The following KCNAB1 variants were observed in gnomAD, a reference collection of about 807,000 sequenced individuals.
KCNAB1 encodes the protein potassium voltage-gated channel subfamily A regulatory beta subunit 1.
KCNAB1 carries 35 observed loss-of-function variants against 64.6 expected under a neutral mutation model. That is an observed-to-expected ratio of 0.54 (90% CI 0.41 to 0.72). The LOEUF is 0.72. Among genes scored for constraint, KCNAB1 ranks in the 30% least tolerant of loss-of-function variants. The pLI, the probability that KCNAB1 is intolerant of heterozygous loss-of-function variation, is 0.00. For synonymous variants in KCNAB1, 177 were observed against 183.8 expected (o/e 0.96, Z 0.30); for missense variants, 401 against 512.9 (o/e 0.78, Z 2.11).
At chr3:156,465,557 G>A in intron 6 of KCNAB1, 86 bp from the exon 7 acceptor site, 2 of 1,204,314 alleles carry the variant, frequency 1.7e-6, no homozygotes, top group Non-Finnish European at 2.5e-6. Context: ...AGAACAGGGT[G>A]CAAAATTAGC....
At chr3:156,265,730 C>A (rs1403693370) in intron 1 of KCNAB1, among the ~76,000 whole-genome samples, 1 of 152,190 alleles carries the variant, frequency 6.6e-6, no homozygotes, top group African/African-American at 2.4e-5. Flanking sequence ...TGCAGTGGCT[C>A]ATGCCTGTAA....
chr3:156,535,378 C>T (rs1718983782), intron 13 of KCNAB1, among the ~76,000 whole-genome samples: 1 of 152,252 alleles, frequency 6.6e-6, no homozygotes, highest in East Asian at 1.9e-4. Flanking sequence ...CTGCCTTTGT[C>T]CCTTGTCTTA....
intron 8 of KCNAB1, among the ~76,000 whole-genome samples, chr3:156,488,556 C>T (rs543622959): frequency 6.6e-5 from 10 of 152,114 alleles, no homozygotes; most frequent in Non-Finnish European, 1.3e-4. Context: ...TAGAAGGAGA[C>T]GAGTTTAGAG....
rs115986612 is a variant in KCNAB1, at chr3:156,412,520, G to C, written c.276-9096G>C. Among the ~76,000 whole-genome samples the C allele has an allele frequency of 4.7e-3, 721 of 152,330 alleles. 2 individuals are homozygous for C. The highest frequency in any genetic ancestry group is 7.0e-3 in the Non-Finnish European group (474 of 68,024). The stretch of plus-strand genomic sequence containing the variant: ...AAACTTTTATTGGATTGTTCATTTA[G>C]TCACTGAAGTATTGAGTCGCACTTC... On this transcript the variant is annotated intron_variant, in intron 1 of 13. Coordinates refer to ENST00000490337, the MANE Select transcript of KCNAB1 (RefSeq NM_172160.3).
chr3:156,523,768 ATTCT>A (rs1718109395), intron 11 of KCNAB1, 55 bp from the exon 12 acceptor site: 2 of 1,505,322 alleles, frequency 1.3e-6, no homozygotes, highest in Non-Finnish European at 1.8e-6. Flanking sequence ...TTGAATTACC[ATTCT>A]TTGACATCAG....
At chr3:156,497,785 A>G (rs964656108) in intron 8 of KCNAB1, among the ~76,000 whole-genome samples, 19 of 152,222 alleles carry the variant, frequency 1.2e-4, no homozygotes, top group Admixed American at 1.2e-3. Context: ...AACATTAGGA[A>G]AACTATTCTT....
intron 1 of KCNAB1, among the ~76,000 whole-genome samples, chr3:156,331,346 G>C (rs1291941991): frequency 6.6e-6 from 1 of 152,120 alleles, no homozygotes; most frequent in East Asian, 1.9e-4. Context: ...GGTGGTGGGG[G>C]TGGTTATTGT....
chr3:156,322,670 G>A (rs1722740452), intron 1 of KCNAB1, among the ~76,000 whole-genome samples: 2 of 151,962 alleles, frequency 1.3e-5, no homozygotes, highest in Non-Finnish European at 2.9e-5. Flanking sequence ...GGAAACTTAG[G>A]GTCTGAGAAT....
Position 156,298,338 on chromosome 3 carries a change from C to T in KCNAB1, c.276-123278C>T, listed in dbSNP as rs79379564. Reference sequence around the variant, plus strand: ...GACGTGAAGGAGTCTGAAGAGTTTCCGGAAACGGCTAGTTTTCTAGCTGCA... The same window carrying T: ...GACGTGAAGGAGTCTGAAGAGTTTCTGGAAACGGCTAGTTTTCTAGCTGCA... On this transcript the variant is annotated intron_variant, in intron 1 of 13. Transcript: ENST00000490337. Among the ~76,000 whole-genome samples, 397 of 152,296 alleles carry T rather than the reference C, an allele frequency of 2.6e-3. 2 individuals are homozygous for T. Among genetic ancestry groups the T allele is most frequent in the Middle Eastern group, 0.02 (6 of 294 alleles).
intron 1 of KCNAB1, among the ~76,000 whole-genome samples, chr3:156,127,757 C>A (rs1006210428): frequency 3.9e-5 from 6 of 152,194 alleles, no homozygotes; most frequent in Admixed American, 2.0e-4. Flanking sequence ...CCTGGACGGG[C>A]ACATCCACTC....
chr3:156,426,508 AG>A (rs1216255003), intron 2 of KCNAB1, among the ~76,000 whole-genome samples: 1 of 152,226 alleles, frequency 6.6e-6, no homozygotes, highest in African/African-American at 2.4e-5. Context: ...AGTTTACATT[AG>A]GGTTCACTAT....
intron 2 of KCNAB1, among the ~76,000 whole-genome samples, chr3:156,448,972 T>C (rs1711793308): frequency 6.6e-6 from 1 of 152,048 alleles, no homozygotes; most frequent in Non-Finnish European, 1.5e-5. Flanking sequence ...TACTCTCTAG[T>C]AAAAGATATA....
intron 1 of KCNAB1, among the ~76,000 whole-genome samples, chr3:156,146,429 A>G (rs368829630): frequency 1.3e-5 from 2 of 152,242 alleles, no homozygotes; most frequent in South Asian, 2.1e-4. Context: ...AGTCAAGGTT[A>G]AAATACACTG....
At chr3:156,173,036 C>T (rs1207525346) in intron 1 of KCNAB1, among the ~76,000 whole-genome samples, 1 of 152,156 alleles carries the variant, frequency 6.6e-6, no homozygotes, top group Non-Finnish European at 1.5e-5. Context: ...ATGTAAGGCT[C>T]ATTGAAAGCA....
At chr3:156,279,574 G>C (rs1273711654) in intron 1 of KCNAB1, among the ~76,000 whole-genome samples, 5 of 151,660 alleles carry the variant, frequency 3.3e-5, no homozygotes, top group African/African-American at 9.7e-5. Flanking sequence ...CTAGTTTACA[G>C]TCCCACCAAC....
chr3:156,171,187 G>GCACGCACACACA (rs1553812698), intron 1 of KCNAB1, among the ~76,000 whole-genome samples: 1 of 142,738 alleles, frequency 7.0e-6, no homozygotes, highest in Admixed American at 7.0e-5. Flanking sequence ...GAAACTTCAC[G>GCACGCACACACA]CACACATACA....
chr3:156,209,839 A>G (rs1214996817), intron 1 of KCNAB1, among the ~76,000 whole-genome samples: 5 of 152,234 alleles, frequency 3.3e-5, no homozygotes, highest in African/African-American at 9.6e-5. Context: ...CATAGCAAAC[A>G]TTTCTCCAGA....
At chr3:156,423,138 T>C (rs1365447215) in intron 2 of KCNAB1, among the ~76,000 whole-genome samples, 2 of 152,210 alleles carry the variant, frequency 1.3e-5, no homozygotes, top group African/African-American at 2.4e-5. Flanking sequence ...GCTACTCTTT[T>C]GGATGATGAT....
intron 8 of KCNAB1, among the ~76,000 whole-genome samples, chr3:156,488,083 G>T (rs1715341394): frequency 6.6e-6 from 1 of 151,942 alleles, no homozygotes; most frequent in Admixed American, 6.6e-5. Context: ...TAAACACTCA[G>T]GTGCAAAACC....
Sources: gnomAD v4.1 joint callset for allele counts (sites outside exome capture counted in the v4.1 genomes callset) on GRCh38, gnomAD v4.1.1 for gene constraint, MANE v1.5 for transcripts, NCBI Gene and HGNC (gene_info 2026-07-23, HGNC 2026-07-21) for gene names.